RPTOR: variants seen among roughly 807,000 people sequenced by gnomAD.
RPTOR encodes regulatory associated protein of MTOR complex 1, also known as regulatory-associated protein of mTOR.
A neutral mutation model predicts 169.9 loss-of-function variants in RPTOR; 21 were observed. The observed-to-expected ratio is 0.12, with a 90% CI of 0.09 to 0.18. The LOEUF is 0.18. Ranked by LOEUF, RPTOR falls within the 10% of genes least tolerant of loss-of-function variation. The pLI is 1.00. For synonymous variants in RPTOR, 732 were observed against 753.2 expected, an observed-to-expected ratio of 0.97 and a Z score of 0.46; for missense variants, 1,133 against 1,855.9, an observed-to-expected ratio of 0.61 and a Z score of 7.16.
rs146582039 is a variant in RPTOR at position 80,684,725 on chromosome 17, G to A, written c.349-23116G>A. ...CTCCCATAGTGCTGGGATTACAGGC[G>A]TGAGCCACTGCGCCCAGCCATGTTA... On this transcript the variant is annotated intron_variant, in intron 3 of 33. Coordinates refer to ENST00000306801, the MANE Select transcript of RPTOR (RefSeq NM_020761.3). Among the ~76,000 whole-genome samples, 1,416 of 152,218 alleles carry A rather than the reference G, an allele frequency of 9.3e-3. 21 individuals are homozygous for A. Among genetic ancestry groups the A allele is most frequent in the African/African-American group, 0.028 (1,179 of 41,534 alleles).
chr17:80,907,945 G>A (rs1220274401), intron 20 of RPTOR, among the ~76,000 whole-genome samples: 1 of 152,196 alleles, frequency 6.6e-6, no homozygotes, highest in African/African-American at 2.4e-5. Flanking sequence ...TCTCCCTGAG[G>A]CCGCACGCTG....
At chr17:80,779,499 C>T (rs957083164) in intron 6 of RPTOR, among the ~76,000 whole-genome samples, 1 of 152,220 alleles carries the variant, frequency 6.6e-6, no homozygotes, top group African/African-American at 2.4e-5. Flanking sequence ...GACGTCGTCA[C>T]AGGTGGGGGA....
chr17:80,588,162 C>A (rs1215014957), intron 1 of RPTOR, among the ~76,000 whole-genome samples: 2 of 147,662 alleles, frequency 1.4e-5, no homozygotes, highest in African/African-American at 4.9e-5. Context: ...TTTCTTTATC[C>A]ATTCTTTTTT....
At chr17:80,889,182 C>A (rs972557053) in intron 17 of RPTOR, among the ~76,000 whole-genome samples, 1 of 152,260 alleles carries the variant, frequency 6.6e-6, no homozygotes, top group South Asian at 2.1e-4. Flanking sequence ...GGAGAGGGTA[C>A]GAGAAAAGAA....
At chr17:80,743,825 GGC>G (rs1297948504) in intron 5 of RPTOR, among the ~76,000 whole-genome samples, 14 of 125,812 alleles carry the variant, frequency 1.1e-4, no homozygotes, top group South Asian at 2.9e-4. Flanking sequence ...GCAGAGCCCT[GGC>G]TACTAGCACA....
At chr17:80,709,161 C>A in intron 4 of RPTOR, 1 of 829,494 alleles carries the variant, frequency 1.2e-6, no homozygotes, top group Non-Finnish European at 1.5e-6. Flanking sequence ...TGCCATCTCT[C>A]CCCGTGTGTA....
chr17:80,703,148 G>A (rs1158727463), intron 3 of RPTOR, among the ~76,000 whole-genome samples: 5 of 152,098 alleles, frequency 3.3e-5, no homozygotes, highest in Admixed American at 3.3e-4. Flanking sequence ...CTATGCATGG[G>A]GGATTTCTGT....
intron 22 of RPTOR, 142 bp downstream of exon 22, chr17:80,922,969 T>G: frequency 1.5e-6 from 1 of 669,942 alleles, no homozygotes; most frequent in Non-Finnish European, 2.5e-6. Flanking sequence ...CAGCGGGCGT[T>G]CTTTCCCTCT....
chr17:80,841,304 G>A (rs1397482564), intron 10 of RPTOR, among the ~76,000 whole-genome samples: 1 of 87,554 alleles, frequency 1.1e-5, no homozygotes, highest in African/African-American at 4.8e-5. Context: ...CTCACAGCAC[G>A]GCAGCTCACA....
At position 80,845,226 on chromosome 17, in the gene RPTOR, G is replaced by A. The variant is rs1015028535; in HGVS notation, c.1213-1247G>A. 1.3e-5 allele frequency among the ~76,000 whole-genome samples: 2 copies of A among 152,130 alleles called. No homozygotes were observed. The highest frequency in any genetic ancestry group is 1.5e-5 in the Non-Finnish European group (1 of 68,030). Reference sequence around the variant, plus strand: ...CCCTCCACTCTGTGCCTGCACTCACGTGGCTGGGCTAACTGGGAGCTCGGG... The same window carrying A: ...CCCTCCACTCTGTGCCTGCACTCACATGGCTGGGCTAACTGGGAGCTCGGG... On this transcript the variant is annotated intron_variant, in intron 10 of 33. Coordinates refer to ENST00000306801, the MANE Select transcript of RPTOR (RefSeq NM_020761.3). The surrounding 1 kb of genome is among the most constrained non-coding windows in gnomAD (Gnocchi z 5.4).
chr17:80,634,152 T>C (rs2065464184), intron 2 of RPTOR, among the ~76,000 whole-genome samples: 1 of 144,774 alleles, frequency 6.9e-6, no homozygotes, highest in African/African-American at 2.6e-5. Flanking sequence ...TGCGTGTGCG[T>C]ACTGTGTGTG....
At position 80,754,688 on chromosome 17, in the gene RPTOR, T is replaced by C. The variant is rs1208368499; in HGVS notation, c.830+503T>C. On this transcript the variant is annotated intron_variant, in intron 6 of 33. Transcript: ENST00000306801. This position sits in a 1 kb window ranked among gnomAD's most constrained non-coding sequence, Gnocchi z 4.2. The stretch of plus-strand genomic sequence containing the variant: ...AAGAAATGTGTGTGATATTCCAAGA[T>C]GGTAGAAGCCGCATTTCAGCCCCAA... Among the ~76,000 whole-genome samples, 1 of 152,184 alleles carries C rather than the reference T, an allele frequency of 6.6e-6. No homozygotes were observed. The highest frequency in any genetic ancestry group is 2.1e-4 in the South Asian group (1 of 4,832).
chr17:80,952,676 C>T (rs953698053), intron 28 of RPTOR, among the ~76,000 whole-genome samples: 2 of 152,072 alleles, frequency 1.3e-5, no homozygotes, highest in African/African-American at 4.8e-5. Flanking sequence ...GTTTGTTCTG[C>T]TCGTGTCACT....
intron 24 of RPTOR, among the ~76,000 whole-genome samples, chr17:80,930,398 T>TCAGCTCATCCC (rs1598408038): frequency 1.0e-2 from 8 of 802 alleles, no homozygotes; most frequent in Non-Finnish European, 0.015. Context: ...CAGCTCATTC[T>TCAGCTCATCCC]CAGCTCATCC....
chr17:80,662,291 G>A (rs1217152838), intron 3 of RPTOR, among the ~76,000 whole-genome samples: 1 of 152,172 alleles, frequency 6.6e-6, no homozygotes, highest in African/African-American at 2.4e-5. Flanking sequence ...AGTTCGTCTT[G>A]TCTGCTGCAC....
intron 10 of RPTOR, 34 bp downstream of exon 10, chr17:80,838,031 G>A (rs755731787): frequency 4.0e-5 from 62 of 1,567,636 alleles, no homozygotes; most frequent in East Asian, 2.3e-5. Flanking sequence ...GTGCATCCGC[G>A]GCGGCAGCCA....
intron 9 of RPTOR, among the ~76,000 whole-genome samples, chr17:80,830,008 C>A (rs1197582289): frequency 6.6e-6 from 1 of 152,136 alleles, no homozygotes; most frequent in Non-Finnish European, 1.5e-5. Context: ...AAAATTATAT[C>A]ATGAGCCAAC....
At chr17:80,634,341 T>TATGTGC (rs2065472857) in intron 2 of RPTOR, among the ~76,000 whole-genome samples, 1 of 142,386 alleles carries the variant, frequency 7.0e-6, no homozygotes, top group African/African-American at 2.7e-5. Flanking sequence ...GTGTGCGTAC[T>TATGTGC]GTGTGCATGT....
chr17:80,765,450 A>C (rs1262788398), intron 6 of RPTOR, among the ~76,000 whole-genome samples: 1 of 152,194 alleles, frequency 6.6e-6, no homozygotes, highest in Non-Finnish European at 1.5e-5. Context: ...GACATTTTAC[A>C]GTTACAGGGA....
Sources: gnomAD v4.1 joint callset for allele counts (sites outside exome capture counted in the v4.1 genomes callset) on GRCh38, gnomAD v4.1.1 for gene constraint, Gnocchi (gnomAD v3.1) non-coding constraint, MANE v1.5 for transcripts, NCBI Gene and HGNC (gene_info 2026-07-23, HGNC 2026-07-21) for gene names.